The following BTBD9 variants were observed in gnomAD, a reference collection of about 807,000 sequenced individuals.
BTBD9 encodes BTB/POZ domain-containing protein 9.
Under a neutral mutation model 64.3 loss-of-function variants are expected in BTBD9, and 49 were observed. The observed-to-expected ratio is 0.76, with a 90% CI of 0.61 to 0.97. BTBD9 has a LOEUF of 0.97. Among genes scored for constraint, BTBD9 ranks in the 50% least tolerant of loss-of-function variants. BTBD9 has a pLI of 0.00. For synonymous variants in BTBD9, 260 were observed against 274.7 expected (o/e 0.95, Z 0.53); for missense variants, 598 against 762.1 (o/e 0.78, Z 2.53).
intron 6 of BTBD9, among the ~76,000 whole-genome samples, chr6:38,355,214 G>C (rs997025706): frequency 8.2e-4 from 125 of 152,290 alleles, no homozygotes; most frequent in African/African-American, 2.9e-3. Flanking sequence ...GTGGTCTACA[G>C]AGACTGCTTA....
At chr6:38,579,951 A>C (rs1304119893) in intron 5 of BTBD9, among the ~76,000 whole-genome samples, 1 of 152,254 alleles carries the variant, frequency 6.6e-6, no homozygotes, top group Non-Finnish European at 1.5e-5. Context: ...TGAGATTACT[A>C]GCAATTTTTA....
At chr6:38,229,194 C>CA (rs34749418) in intron 9 of BTBD9, among the ~76,000 whole-genome samples, 49,533 of 114,180 alleles carry the variant, frequency 0.43, 9,347 homozygotes, top group Non-Finnish European at 0.5. Context: ...AAGACTCTGT[C>CA]AAAAAAAAAA....
chr6:38,397,678 C>T (rs1766741902), intron 6 of BTBD9, among the ~76,000 whole-genome samples: 1 of 152,066 alleles, frequency 6.6e-6, no homozygotes, highest in African/African-American at 2.4e-5. Context: ...CATGAAATTG[C>T]TAAGAAAGAG....
intron 8 of BTBD9, among the ~76,000 whole-genome samples, chr6:38,261,741 G>C (rs943569254): frequency 6.6e-6 from 1 of 152,144 alleles, no homozygotes; most frequent in African/African-American, 2.4e-5. Flanking sequence ...CAGCAGCCAA[G>C]TGCTCATACT....
chr6:38,576,739 C>T (rs1776053631), intron 6 of BTBD9, among the ~76,000 whole-genome samples: 1 of 152,142 alleles, frequency 6.6e-6, no homozygotes, highest in Non-Finnish European at 1.5e-5. Flanking sequence ...TAATCACTTT[C>T]TACCTTTAAT....
chr6:38,394,422 GAGA>G (rs1316029703), intron 6 of BTBD9, among the ~76,000 whole-genome samples: 3 of 152,124 alleles, frequency 2.0e-5, no homozygotes, highest in African/African-American at 7.2e-5. Context: ...AAACAGAAGG[GAGA>G]AGTTTTTTGT....
intron 9 of BTBD9, among the ~76,000 whole-genome samples, chr6:38,225,109 G>A (rs1455376977): frequency 6.6e-6 from 1 of 152,156 alleles, no homozygotes; most frequent in Non-Finnish European, 1.5e-5. Context: ...TGCCCCTCAA[G>A]GCAGCCTTTG....
chr6:38,322,673 C>T (rs1582228006), intron 7 of BTBD9, among the ~76,000 whole-genome samples: 1 of 152,310 alleles, frequency 6.6e-6, no homozygotes, highest in East Asian at 1.9e-4. Flanking sequence ...TTTACAGCGT[C>T]TGTTTTATAA....
chr6:38,411,996 CACAT>C (rs1459077993), intron 6 of BTBD9, among the ~76,000 whole-genome samples: 9 of 152,092 alleles, frequency 5.9e-5, no homozygotes, highest in Admixed American at 5.2e-4. Flanking sequence ...TATGTACACA[CACAT>C]ATATATAAAA....
chr6:38,229,442 TG>T (rs1353366601), intron 9 of BTBD9, among the ~76,000 whole-genome samples: 1 of 152,230 alleles, frequency 6.6e-6, no homozygotes, highest in East Asian at 1.9e-4. Flanking sequence ...ATGGTTTACC[TG>T]GATCTTGTTT....
intron 1 of BTBD9, among the ~76,000 whole-genome samples, chr6:38,605,960 G>A (rs1364173647): frequency 6.6e-6 from 1 of 152,178 alleles, no homozygotes; most frequent in East Asian, 1.9e-4. Flanking sequence ...ATCTGAGTAG[G>A]CACCATCTAA....
At chr6:38,330,499 C>A (rs1027953366) in intron 7 of BTBD9, among the ~76,000 whole-genome samples, 4 of 151,848 alleles carry the variant, frequency 2.6e-5, no homozygotes, top group African/African-American at 7.3e-5. Context: ...ACAGCCTGGG[C>A]AACATAGCAA....
chr6:38,398,920 A>G (rs907564905), intron 6 of BTBD9, among the ~76,000 whole-genome samples: 4 of 152,158 alleles, frequency 2.6e-5, no homozygotes, highest in African/African-American at 9.7e-5. Context: ...TCATTCCATC[A>G]TGGGTTTTCT....
intron 6 of BTBD9, among the ~76,000 whole-genome samples, chr6:38,529,877 AG>A (rs1020473898): frequency 1.4e-3 from 217 of 152,332 alleles, no homozygotes; most frequent in African/African-American, 5.1e-3. Flanking sequence ...AGCGATTTTT[AG>A]GGAACAAGGG....
intron 6 of BTBD9, among the ~76,000 whole-genome samples, chr6:38,466,729 C>T (rs1431264666): frequency 6.6e-6 from 1 of 151,928 alleles, no homozygotes; most frequent in African/African-American, 2.4e-5. Context: ...ACGTGCCCAC[C>T]ACCATGCCCA....
intron 4 of BTBD9, among the ~76,000 whole-genome samples, chr6:38,589,458 C>T (rs773616347): frequency 1.3e-5 from 2 of 152,088 alleles, no homozygotes; most frequent in South Asian, 2.1e-4. Context: ...AGACAGGATC[C>T]GACATGATAA....
At chr6:38,386,497 G>A (rs1176628005) in intron 6 of BTBD9, among the ~76,000 whole-genome samples, 15 of 152,078 alleles carry the variant, frequency 9.9e-5, no homozygotes. Flanking sequence ...GCGCTCACAG[G>A]CTCATTTAGC....
At chr6:38,370,695 T>C (rs1475197124) in intron 6 of BTBD9, among the ~76,000 whole-genome samples, 1 of 152,236 alleles carries the variant, frequency 6.6e-6, no homozygotes, top group Non-Finnish European at 1.5e-5. Context: ...TCAGATTGTA[T>C]TTTATAGGAA....
chr6:38,419,729 T>C (rs1340489043), intron 6 of BTBD9, among the ~76,000 whole-genome samples: 3 of 152,066 alleles, frequency 2.0e-5, no homozygotes, highest in East Asian at 1.9e-4. Flanking sequence ...AATTAGCCGG[T>C]TGTGGCAGTG....
Sources: allele counts gnomAD v4.1 joint callset (sites outside exome capture counted in the v4.1 genomes callset), GRCh38; gene constraint gnomAD v4.1.1; transcripts MANE v1.5; gene names NCBI Gene and HGNC (gene_info 2026-07-23, HGNC 2026-07-21).